The following MYO3B variants were observed in gnomAD, a reference collection of about 807,000 sequenced individuals.
MYO3B encodes myosin IIIB.
In MYO3B, 156 loss-of-function variants were observed where a neutral mutation model predicts 174.6. The observed-to-expected ratio is 0.89, with a 90% CI of 0.78 to 1.02. The LOEUF (loss-of-function observed/expected upper bound fraction) is 1.02. Ranked by LOEUF, MYO3B falls within the 50% of genes least tolerant of loss-of-function variation. MYO3B has a pLI of 0.00. For synonymous variants in MYO3B, 563 were observed against 569.1 expected (o/e 0.99, Z 0.15); for missense variants, 1,632 against 1,639.4 (o/e 1.00, Z 0.08).
chr2:170,408,034 G>A (rs1408387142), intron 22 of MYO3B, among the ~76,000 whole-genome samples, 190 bp downstream of exon 22: 1 of 152,226 alleles, frequency 6.6e-6, no homozygotes, highest in East Asian at 1.9e-4. Context: ...CAGCATCCGT[G>A]TGTACACAGA....
chr2:170,239,006 G>A (rs987613444), intron 7 of MYO3B, among the ~76,000 whole-genome samples: 1 of 152,214 alleles, frequency 6.6e-6, no homozygotes, highest in Non-Finnish European at 1.5e-5. Flanking sequence ...GATTGGCAGA[G>A]CATCCACTAT....
At chr2:170,310,686 A>G (rs866885497) in intron 7 of MYO3B, among the ~76,000 whole-genome samples, 3 of 150,854 alleles carry the variant, frequency 2.0e-5, no homozygotes, top group African/African-American at 7.4e-5. Flanking sequence ...AAAAAAAAAA[A>G]AGAAATACAT....
intron 20 of MYO3B, among the ~76,000 whole-genome samples, chr2:170,404,974 T>C (rs1344940): frequency 0.46 from 70,458 of 152,104 alleles, 16,309 homozygotes; most frequent in Middle Eastern, 0.56. Context: ...TTCACAACCT[T>C]TGTTCCTCAC....
At chr2:170,629,684 T>C (rs1331889841) in intron 32 of MYO3B, among the ~76,000 whole-genome samples, 1 of 152,070 alleles carries the variant, frequency 6.6e-6, no homozygotes. Flanking sequence ...ACTCCATCTC[T>C]ACTAAAATAC....
chr2:170,507,522 C>A (rs1687688097), intron 28 of MYO3B, among the ~76,000 whole-genome samples: 1 of 152,088 alleles, frequency 6.6e-6, no homozygotes, highest in South Asian at 2.1e-4. Context: ...GCCTCAGCCT[C>A]CCAAGTAGCT....
intron 32 of MYO3B, among the ~76,000 whole-genome samples, chr2:170,614,742 GT>G (rs1364698315): frequency 6.6e-6 from 1 of 152,100 alleles, no homozygotes; most frequent in Admixed American, 6.5e-5. Flanking sequence ...ATCACATTCT[GT>G]CCTGCTGCAC....
In MYO3B at chr2:170,294,354, A is replaced by G. The variant is rs188591601; in HGVS notation, c.750-41031A>G. Among the ~76,000 whole-genome samples the G allele has an allele frequency of 6.1e-3, 925 of 151,160 alleles. 4 individuals are homozygous for G. The highest frequency in any genetic ancestry group is 9.4e-3 in the Non-Finnish European group (634 of 67,720). ...TATTATAAAATTTATTCTAAAAACT[A>G]ATTTGGATATATTTATTTTCATTTT... is the stretch of plus-strand genomic sequence containing the variant. On this transcript the variant is annotated intron_variant, in intron 7 of 34. Transcript: ENST00000408978.
At chr2:170,209,091 C>T (rs1014224791) in intron 3 of MYO3B, among the ~76,000 whole-genome samples, 2 of 152,218 alleles carry the variant, frequency 1.3e-5, no homozygotes, top group Non-Finnish European at 2.9e-5. Context: ...TTTAGCAGCT[C>T]TGCAAGTCGA....
At chr2:170,468,746 A>G (rs1434161272) in intron 25 of MYO3B, among the ~76,000 whole-genome samples, 3 of 152,212 alleles carry the variant, frequency 2.0e-5, no homozygotes, top group South Asian at 2.1e-4. Context: ...TAGAAAAGCA[A>G]TCTAAGCATT....
At chr2:170,276,515 C>A (rs1170312278) in intron 7 of MYO3B, among the ~76,000 whole-genome samples, 2 of 152,088 alleles carry the variant, frequency 1.3e-5, no homozygotes, top group Admixed American at 6.6e-5. Context: ...AACCGTCCTG[C>A]CATCTTAATT....
chr2:170,490,752 T>C (rs1476166170), intron 25 of MYO3B, among the ~76,000 whole-genome samples: 1 of 152,158 alleles, frequency 6.6e-6, no homozygotes, highest in Non-Finnish European at 1.5e-5. Flanking sequence ...TTTTTTAAAT[T>C]TTTAATAAGA....
chr2:170,370,988 G>C (rs1309649590), intron 9 of MYO3B, among the ~76,000 whole-genome samples: 3 of 151,590 alleles, frequency 2.0e-5, no homozygotes, highest in South Asian at 4.2e-4. Flanking sequence ...GGAGGCCGAG[G>C]TGGATGAATC....
At chr2:170,545,032 G>A (rs916629524) in intron 32 of MYO3B, among the ~76,000 whole-genome samples, 2 of 152,060 alleles carry the variant, frequency 1.3e-5, no homozygotes, top group Admixed American at 6.6e-5. Context: ...ATTTTAATTG[G>A]AGTGTTTAGA....
At chr2:170,627,877 C>T (rs1696594906) in intron 32 of MYO3B, among the ~76,000 whole-genome samples, 1 of 152,042 alleles carries the variant, frequency 6.6e-6, no homozygotes, top group East Asian at 1.9e-4. Context: ...TATTGCTGAA[C>T]AGCAAATATT....
intron 32 of MYO3B, among the ~76,000 whole-genome samples, chr2:170,560,372 A>G (rs1024456494): frequency 2.0e-5 from 3 of 152,184 alleles, no homozygotes; most frequent in Non-Finnish European, 2.9e-5. Context: ...TATAGCTCCC[A>G]CAGACTCAGA....
At chr2:170,478,573 G>GT (rs34745716) in intron 25 of MYO3B, among the ~76,000 whole-genome samples, 93,153 of 126,370 alleles carry the variant, frequency 0.74, 35,781 homozygotes, top group South Asian at 0.93. Flanking sequence ...GTTTTTTTGT[G>GT]TTTTTTTTTT....
At chr2:170,392,330 T>C (rs377213659) in intron 15 of MYO3B, 51 bp from the exon 16 acceptor site, 1 of 1,309,972 alleles carries the variant, frequency 7.6e-7, no homozygotes, top group African/African-American at 1.5e-5. Flanking sequence ...ATGCCTGTAC[T>C]ACTTTCCAAG....
intron 30 of MYO3B, among the ~76,000 whole-genome samples, chr2:170,522,834 A>G (rs752941226): frequency 1.3e-5 from 2 of 152,172 alleles, no homozygotes; most frequent in African/African-American, 4.8e-5. Flanking sequence ...ATTCTTTTTA[A>G]TACTCCTTGA....
intron 7 of MYO3B, among the ~76,000 whole-genome samples, chr2:170,252,884 A>G (rs1316298577): frequency 6.6e-6 from 1 of 152,174 alleles, no homozygotes; most frequent in Non-Finnish European, 1.5e-5. Context: ...GGGACATTTT[A>G]GGAATAGCAA....
Sources: allele counts gnomAD v4.1 joint callset (sites outside exome capture counted in the v4.1 genomes callset), GRCh38; gene constraint gnomAD v4.1.1; transcripts MANE v1.5; gene names NCBI Gene and HGNC (gene_info 2026-07-23, HGNC 2026-07-21).